The following POMZP3 variants were observed in gnomAD, a reference collection of about 807,000 sequenced individuals.
POMZP3 encodes the protein POM121 and ZP3 fusion protein.
POMZP3 carries 10 observed loss-of-function variants against 19.8 expected under a neutral mutation model. The observed-to-expected ratio is 0.51, with a 90% CI of 0.31 to 0.86. The LOEUF is 0.86. Among genes scored for constraint, POMZP3 ranks in the 40% least tolerant of loss-of-function variants. POMZP3 has a pLI of 0.04. For missense variants in POMZP3, 152 were observed against 228.1 expected (o/e 0.67, Z 2.15); for synonymous variants, 57 against 85.8 (o/e 0.66, Z 1.85).
At chr7:76,625,074 A>G (rs1326545775) in intron 3 of POMZP3, among the ~76,000 whole-genome samples, 1 of 141,326 alleles carries the variant, frequency 7.1e-6, no homozygotes, top group Non-Finnish European at 1.5e-5. Context: ...CTGAGCTTGC[A>G]GTGAGCTGAG....
chr7:76,621,972 T>C (rs1320105967), intron 3 of POMZP3, among the ~76,000 whole-genome samples: 2 of 118,396 alleles, frequency 1.7e-5, no homozygotes, highest in Admixed American at 1.7e-4. Context: ...AATAAATAAA[T>C]AAAACAGGTT....
At chr7:76,620,787 T>C (rs1433147801) in intron 3 of POMZP3, among the ~76,000 whole-genome samples, 1 of 150,532 alleles carries the variant, frequency 6.6e-6, no homozygotes, top group Non-Finnish European at 1.5e-5. Flanking sequence ...TTTCAAAACA[T>C]GTTCCAAGGG....
At position 76,625,610 on chromosome 7, in the gene POMZP3, C is replaced by CA. The variant is rs1383491979; in HGVS notation, c.138dup (p.Val47CysfsTer23). The stretch of plus-strand genomic sequence containing the variant: ...TTCTTCTCTTTGAGGGCACTCAGTA[C>CA]AGTCTCCTTTGCACATGGGTCTGGG... On this transcript the variant is annotated frameshift_variant, in exon 3 of 7. Transcript: ENST00000310842. LOFTEE classifies it high-confidence loss of function. The CA allele has an allele frequency of 6.2e-7, 1 of 1,613,614 alleles. No homozygotes were observed. Among genetic ancestry groups the CA allele is most frequent in the East Asian group, 2.2e-5 (1 of 44,862 alleles).
chr7:76,627,170 G>C lies in POMZP3; in HGVS notation c.-614C>G, dbSNP rs943876078. The C allele has an allele frequency of 6.9e-7, 1 of 1,446,668 alleles. No homozygotes were observed. Among genetic ancestry groups the C allele is most frequent in the African/African-American group, 1.4e-5 (1 of 70,238 alleles). The allele number at this position is 1,446,668 out of a possible 1,614,324, so 89.6% of individuals were successfully genotyped here. A position where few individuals can be genotyped will look rare whatever the true frequency, so the allele number is the denominator to read the frequency against. The stretch of plus-strand genomic sequence containing the variant: ...AGGAGGCCGACCAGCGACAGGCCGA[G>C]AAGCGCCGCCCCGGCCGGCCCTGAC... On this transcript the variant is annotated 5_prime_UTR_variant, in exon 1 of 7. Transcript: ENST00000310842.
chr7:76,626,669 C>G, intron 1 of POMZP3, 39 bp downstream of exon 1: 1 of 1,375,438 alleles, frequency 7.3e-7, no homozygotes, highest in Non-Finnish European at 9.3e-7. Context: ...TCAAGCCAGC[C>G]GAGCCAAAGG....
At chr7:76,626,281 A>C (rs1360481642) in intron 1 of POMZP3, 66 bp from the exon 2 acceptor site, 1 of 1,383,422 alleles carries the variant, frequency 7.2e-7, no homozygotes, top group Non-Finnish European at 9.9e-7. Context: ...TTAGACGGTT[A>C]AAAACCCACC....
At position 76,620,404 on chromosome 7, in the gene POMZP3, A is replaced by G. The variant is rs528077464; in HGVS notation, c.228-2104T>C. Among the ~76,000 whole-genome samples the G allele has an allele frequency of 2.3e-3, 294 of 129,498 alleles. 3 individuals carry two copies. The highest frequency in any genetic ancestry group is 7.7e-3 in the South Asian group (29 of 3,754). The allele number at this position is 129,498 out of a possible 152,430, so 85.0% of individuals were successfully genotyped here. ...AGGGTATTTGCAAACTTTTCAGATG[A>G]ATGAACGGTGAGCACACGTACCTTA... On this transcript the variant is annotated intron_variant, in intron 3 of 6. Coordinates refer to ENST00000310842, the MANE Select transcript of POMZP3 (RefSeq NM_012230.5).
intron 4 of POMZP3, among the ~76,000 whole-genome samples, chr7:76,612,072 C>T (rs1337630353): frequency 3.9e-4 from 55 of 142,042 alleles, no homozygotes; most frequent in African/African-American, 1.5e-3. Context: ...GTGGTGGGTA[C>T]CTGTAGTCCC....
chr7:76,611,360 T>G (rs1799211), intron 6 of POMZP3, 94 bp downstream of exon 6: 456,796 of 996,780 alleles, frequency 0.46, 117,759 homozygotes, highest in African/African-American at 0.76. Flanking sequence ...TTTTAATGGA[T>G]GACAAGGGAA....
At position 76,620,252 on chromosome 7, in the gene POMZP3, C is replaced by T. The variant is rs1384348474; in HGVS notation, c.228-1952G>A. Among the ~76,000 whole-genome samples, 5 of 85,278 alleles carry T rather than the reference C, an allele frequency of 5.9e-5. 1 individual carries two copies. Among genetic ancestry groups the T allele is most frequent in the African/African-American group, 1.6e-4 (3 of 18,952 alleles). The allele number at this position is 85,278 out of a possible 152,430, so 55.9% of individuals were successfully genotyped here. ...CTGAGGCAGGAGAATGGCGCGAACCCGGGAGGCAGAGCTTGTAGTGAGCCG... is the reference window on the plus strand; with the variant it reads ...CTGAGGCAGGAGAATGGCGCGAACCTGGGAGGCAGAGCTTGTAGTGAGCCG... On this transcript the variant is annotated intron_variant, in intron 3 of 6. Coordinates refer to ENST00000310842, the MANE Select transcript of POMZP3 (RefSeq NM_012230.5).
intron 4 of POMZP3, among the ~76,000 whole-genome samples, chr7:76,614,874 A>G: frequency 9.9e-6 from 1 of 100,840 alleles, no homozygotes; most frequent in Non-Finnish European, 2.1e-5. Context: ...AAAAAAAAAA[A>G]AAAGTACACA....
At position 76,611,478 on chromosome 7, in the gene POMZP3, G is replaced by C. The variant is rs1358007027; in HGVS notation, c.551C>G (p.Ser184Cys). Residue 184 changes from serine (S) to cysteine (C), a missense_variant, in exon 6 of 7, where the codon TCT becomes TGT. Ser to Cys is a moderately radical substitution (Grantham distance 112, BLOSUM62 -1). This residue lies in a region of POMZP3 where 65 missense variants were observed against 86.2 expected (regional missense o/e 0.75). Coordinates refer to ENST00000310842, the MANE Select transcript of POMZP3 (RefSeq NM_012230.5). ...CCATGCCTGCGGTTACAGGGAAGCA[G>C]ACGTGGACCACTGGCTCACGACACG... ...QPRVVSQWST[S>C]ASL is the part of the protein sequence containing the mutation. The C allele has an allele frequency of 6.2e-7, 1 of 1,603,200 alleles. No individual in the cohort carries two copies. The highest frequency in any genetic ancestry group is 1.7e-5 in the Admixed American group (1 of 59,508).
At position 76,626,178 on chromosome 7, in the gene POMZP3, G is replaced by A. The variant is rs375842805; in HGVS notation, c.-114C>T. The A allele has an allele frequency of 4.7e-4, 748 of 1,581,518 alleles. 2 individuals are homozygous for A. In the African/African-American group the frequency reaches 9.3e-3, roughly 20 times the overall value. ...TGATGGATCGGATAGCGTCTTCGAG[G>A]TGTTATTACAAACCGATCTGGTAAA... On this transcript the variant is annotated 5_prime_UTR_variant, in exon 2 of 7. Coordinates refer to ENST00000310842, the MANE Select transcript of POMZP3 (RefSeq NM_012230.5).
Position 76,611,472 on chromosome 7 carries a change from G to T in POMZP3, c.557C>A (p.Ser186Tyr). ...RVVSQWSTSA[S>Y]L Reference sequence around the variant, plus strand: ...GACATACCATGCCTGCGGTTACAGGGAAGCAGACGTGGACCACTGGCTCAC... The same window carrying T: ...GACATACCATGCCTGCGGTTACAGGTAAGCAGACGTGGACCACTGGCTCAC... Residue 186 changes from serine to tyrosine, a missense_variant, in exon 6 of 7, where the codon TCC becomes TAC. Physicochemically the swap from Ser to Tyr is moderately radical, Grantham distance 144 (BLOSUM62 -2). Around this residue, in one of 4 missense-constraint regions of POMZP3, gnomAD observed 65 missense variants for 86.2 expected, o/e 0.75. Transcript: ENST00000310842. The T allele has an allele frequency of 6.2e-7, 1 of 1,600,634 alleles. No homozygotes were observed. Among genetic ancestry groups the T allele is most frequent in the South Asian group, 1.1e-5 (1 of 90,534 alleles).
intron 3 of POMZP3, among the ~76,000 whole-genome samples, chr7:76,623,006 A>AT (rs1219845820): frequency 6.6e-6 from 1 of 151,728 alleles, no homozygotes; most frequent in Non-Finnish European, 1.5e-5. Context: ...GGAGCTGGGA[A>AT]TACAGGCACT....
chr7:76,622,767 C>T (rs1815641048), intron 3 of POMZP3, among the ~76,000 whole-genome samples: 1 of 151,880 alleles, frequency 6.6e-6, no homozygotes, highest in Admixed American at 6.6e-5. Context: ...CCTGGAACTC[C>T]TGAGCTCAAG....
At chr7:76,619,322 A>G (rs1332038557) in intron 3 of POMZP3, among the ~76,000 whole-genome samples, 1 of 152,142 alleles carries the variant, frequency 6.6e-6, no homozygotes, top group African/African-American at 2.4e-5. Context: ...CAGGGGGCAG[A>G]GGTTGCAGTG....
intron 3 of POMZP3, among the ~76,000 whole-genome samples, chr7:76,619,125 G>C (rs1754211): frequency 1.3e-5 from 2 of 151,970 alleles, no homozygotes; most frequent in Non-Finnish European, 2.9e-5. Context: ...TCAGCTGGGC[G>C]CAGTGGCTCA....
chr7:76,621,648 G>C (rs1056401313), intron 3 of POMZP3, among the ~76,000 whole-genome samples: 2 of 151,642 alleles, frequency 1.3e-5, no homozygotes, highest in Non-Finnish European at 2.9e-5. Flanking sequence ...GATAAAACAG[G>C]TTGCAGTGAT....
Sources: allele counts gnomAD v4.1 joint callset (sites outside exome capture counted in the v4.1 genomes callset), GRCh38; gene constraint gnomAD v4.1.1; regional missense constraint gnomAD v4.1.1; transcripts MANE v1.5; gene names NCBI Gene and HGNC (gene_info 2026-07-23, HGNC 2026-07-21).